Variants in REG1B observed in about 807,000 individuals in gnomAD.
The protein encoded by REG1B is regenerating family member 1 beta.
In REG1B, 21 loss-of-function variants were observed where a neutral mutation model predicts 20.4. The ratio of observed to expected loss-of-function variants is 1.03; its 90% CI spans 0.73 to 1.48. The LOEUF (loss-of-function observed/expected upper bound fraction) is 1.48, where lower values mean the gene tolerates loss of function less well. REG1B is among the 40% of genes most tolerant of loss of function. The pLI is 0.00. For synonymous variants in REG1B, 82 were observed against 73.4 expected (o/e 1.12, Z -0.60); for missense variants, 247 against 197.2 (o/e 1.25, Z -1.51).
Position 79,087,599 on chromosome 2 carries a change from T to G in REG1B, c.14A>C (p.Asn5Thr). ...GGAGGAGATCAGCATGAAGAACGAGTTGGTCTGAGCCATGCTTAGCGGCAG... is the reference window on the plus strand; with the variant it reads ...GGAGGAGATCAGCATGAAGAACGAGGTGGTCTGAGCCATGCTTAGCGGCAG... The part of the protein sequence containing the change: MAQT[N>T]SFFMLISSLM... Residue 5 changes from asparagine (N) to threonine (T), a missense_variant, in exon 2 of 6, where the codon AAC becomes ACC. By Grantham distance (65) the Asn-to-Thr change is moderately conservative. Coordinates refer to ENST00000305089, the MANE Select transcript of REG1B (RefSeq NM_006507.4). 6.2e-7 allele frequency: 1 copy of G among 1,613,728 alleles called. No individual in the cohort carries two copies. Among genetic ancestry groups the G allele is most frequent in the Middle Eastern group, 1.7e-4 (1 of 6,058 alleles).
In REG1B at chr2:79,086,884, T is replaced by C. The variant is rs747713468; in HGVS notation, c.111A>G (p.Pro37=). 1.9e-6 allele frequency: 3 copies of C among 1,613,974 alleles called. No individual in the cohort carries two copies. The highest frequency in any genetic ancestry group is 2.2e-5 in the South Asian group (2 of 91,072). Residue 37 remains proline (P), a synonymous_variant, in exon 3 of 6, where the codon CCA becomes CCG. Coordinates refer to ENST00000305089, the MANE Select transcript of REG1B (RefSeq NM_006507.4). ...TELPNPRISC[P]EGTNAYRSYC... is the part of the protein sequence containing the mutation. Reference sequence around the variant, plus strand: ...AGGAGCGATAGGCATTGGTGCCTTCTGGGCAGCTGATTCGGGGATTAGGCA... The same window carrying C: ...AGGAGCGATAGGCATTGGTGCCTTCCGGGCAGCTGATTCGGGGATTAGGCA...
intron 4 of REG1B, 169 bp downstream of exon 4, chr2:79,086,198 A>G: frequency 1.5e-6 from 1 of 681,554 alleles, no homozygotes; most frequent in Non-Finnish European, 2.4e-6. Context: ...TCATGTCTCT[A>G]ACTACCTACA....
At chr2:79,086,693 C>A in intron 3 of REG1B, 119 bp downstream of exon 3, 1 of 1,305,828 alleles carries the variant, frequency 7.7e-7, no homozygotes, top group East Asian at 2.3e-5. Flanking sequence ...AAGTTTGGGA[C>A]CAGTGGTGGA....
In REG1B at chr2:79,086,874, T is replaced by C. The variant is rs749826554; in HGVS notation, c.121A>G (p.Asn41Asp). Residue 41 changes from asparagine (N) to aspartate (D), a missense_variant, in exon 3 of 6, where the codon AAT becomes GAT. Physicochemically the swap from Asn to Asp is conservative, Grantham distance 23. Coordinates refer to ENST00000305089, the MANE Select transcript of REG1B (RefSeq NM_006507.4). ...TAGTAGCAGTAGGAGCGATAGGCATTGGTGCCTTCTGGGCAGCTGATTCGG... is the reference window on the plus strand; with the variant it reads ...TAGTAGCAGTAGGAGCGATAGGCATCGGTGCCTTCTGGGCAGCTGATTCGG... ...NPRISCPEGT[N>D]AYRSYCYYFN... 16 of 1,613,860 alleles carry C rather than the reference T, an allele frequency of 9.9e-6. No individual in the cohort carries two copies. The East Asian group carries it at 3.6e-4, about 36-fold the overall frequency.
intron 4 of REG1B, chr2:79,086,031 C>T: frequency 3.2e-6 from 1 of 315,328 alleles, no homozygotes; most frequent in South Asian, 3.9e-5. Flanking sequence ...GTAGATTCTC[C>T]TCCACTACTC....
Position 79,087,592 on chromosome 2 carries a change from G to T in REG1B, c.21C>A (p.Phe7Leu). The T allele has an allele frequency of 6.2e-7, 1 of 1,613,942 alleles. No homozygotes were observed. Among genetic ancestry groups the T allele is most frequent in the Non-Finnish European group, 8.5e-7 (1 of 1,179,924 alleles). The change falls in exon 2 of 6, where the codon TTC becomes TTA. Residue 7 changes from phenylalanine to leucine, a missense_variant. Phe to Leu is a conservative substitution (Grantham distance 22). Transcript: ENST00000305089. ...ACATCAGGGAGGAGATCAGCATGAA[G>T]AACGAGTTGGTCTGAGCCATGCTTA... MAQTNS[F>L]FMLISSLMFL...
chr2:79,087,465 CT>C (rs1672416673), intron 2 of REG1B, 83 bp downstream of exon 2: 5 of 1,410,748 alleles, frequency 3.5e-6, no homozygotes, highest in Admixed American at 4.0e-5. Context: ...GTTGACTCTG[CT>C]TTTTTTCAAG....
At chr2:79,085,970 T>C (rs1672393530) in intron 4 of REG1B, 2 of 267,132 alleles carry the variant, frequency 7.5e-6, no homozygotes, top group African/African-American at 2.2e-5. Flanking sequence ...AACTAAATAA[T>C]ATACTGTACA....
chr2:79,087,054 A>G (rs1428852705), intron 2 of REG1B, 124 bp from the exon 3 acceptor site: 1 of 769,690 alleles, frequency 1.3e-6, no homozygotes, highest in Admixed American at 2.1e-5. Context: ...TACTGGGGCG[A>G]TTGCTCACTT....
At chr2:79,085,833 C>G (rs755988466) in intron 4 of REG1B, 1 of 371,332 alleles carries the variant, frequency 2.7e-6, no homozygotes, top group South Asian at 3.7e-5. Context: ...GAATTTGATA[C>G]AGAGACCCAT....
At chr2:79,085,313 G>C in intron 5 of REG1B, 30 bp from the exon 6 acceptor site, 2 of 1,552,750 alleles carry the variant, frequency 1.3e-6, no homozygotes, top group Non-Finnish European at 1.8e-6. Context: ...GTCAGACATA[G>C]AGGATCAGAA....
rs773113096 is a variant in REG1B, at chr2:79,086,756, T to C, written c.183+56A>G. ...TGCAGCCACAGAACACACTGCAAAT[T>C]AGCAGCTGCCTCTACCTTCATAAGC... On this transcript the variant is annotated intron_variant, in intron 3 of 5. Coordinates refer to ENST00000305089, the MANE Select transcript of REG1B (RefSeq NM_006507.4). 2.1e-5 allele frequency: 32 copies of C among 1,518,842 alleles called. No homozygotes were observed. The African/African-American group carries it at 4.3e-4, about 20-fold the overall frequency. 94.1% of individuals were successfully genotyped at this position (1,518,842 alleles called of 1,614,324 possible). A position where few individuals can be genotyped will look rare whatever the true frequency, so the allele number is the denominator to read the frequency against.
chr2:79,087,575 G>C lies in REG1B; in HGVS notation c.38C>G (p.Ser13Cys). Residue 13 changes from serine (S) to cysteine (C), a missense_variant, in exon 2 of 6, where the codon TCC (serine) becomes TGC (cysteine). Coordinates refer to ENST00000305089, the MANE Select transcript of REG1B (RefSeq NM_006507.4). ...TTGGCTCAGAGACAGGAACATCAGG[G>C]AGGAGATCAGCATGAAGAACGAGTT... ...QTNSFFMLIS[S>C]LMFLSLSQGQ... 6.2e-7 allele frequency: 1 copy of C among 1,613,984 alleles called. No homozygotes were observed. Among genetic ancestry groups the C allele is most frequent in the East Asian group, 2.2e-5 (1 of 44,866 alleles).
rs1054688102 is a variant in REG1B, at chr2:79,086,945, A to G, written c.65-15T>C. The G allele has an allele frequency of 2.5e-6, 4 of 1,603,486 alleles. No homozygotes were observed. Among genetic ancestry groups the G allele is most frequent in the South Asian group, 1.1e-5 (1 of 90,850 alleles). On this transcript the variant is annotated splice_polypyrimidine_tract_variant and intron_variant, in intron 2 of 5. Transcript: ENST00000305089. ...GGACTCCTGGCCTGGGGAAAAAAAA[A>G]AGGAGATAATTAAGAAAGAATCGCA...
intron 2 of REG1B, 188 bp from the exon 3 acceptor site, chr2:79,087,118 G>C (rs1672412000): frequency 5.0e-6 from 3 of 598,806 alleles, no homozygotes; most frequent in African/African-American, 3.7e-5. Context: ...CTCAAGACAA[G>C]AGCTCACAAT....
Position 79,086,871 on chromosome 2 carries a change from C to T in REG1B, c.124G>A (p.Ala42Thr). The part of the protein sequence containing the change: ...PRISCPEGTN[A>T]YRSYCYYFNE... ...AAGTAGTAGCAGTAGGAGCGATAGG[C>T]ATTGGTGCCTTCTGGGCAGCTGATT... The change falls in exon 3 of 6, where the codon GCC (alanine) becomes ACC (threonine). Residue 42 changes from alanine to threonine, a missense_variant. Physicochemically the swap from Ala to Thr is moderately conservative, Grantham distance 58 (BLOSUM62 0). Transcript: ENST00000305089. 6.2e-7 allele frequency: 1 copy of T among 1,613,964 alleles called. No homozygotes were observed. The highest frequency in any genetic ancestry group is 8.5e-7 in the Non-Finnish European group (1 of 1,179,970).
chr2:79,086,002 T>G, intron 4 of REG1B: 2 of 294,264 alleles, frequency 6.8e-6, no homozygotes, highest in Non-Finnish European at 1.3e-5. Flanking sequence ...TTGTATAAAA[T>G]GTATAACAAA....
chr2:79,085,745 C>A, intron 4 of REG1B, 142 bp from the exon 5 acceptor site: 1 of 529,478 alleles, frequency 1.9e-6, no homozygotes. Context: ...ATATCATTTC[C>A]TCTGCTTTTG....
intron 4 of REG1B, 32 bp downstream of exon 4, chr2:79,086,335 T>G (rs1672398361): frequency 6.2e-7 from 1 of 1,612,922 alleles, no homozygotes; most frequent in Non-Finnish European, 8.5e-7. Context: ...TCAAAAATGT[T>G]TATAAGGAGA....
Sources: gnomAD v4.1 joint callset for allele counts on GRCh38, gnomAD v4.1.1 for gene constraint, MANE v1.5 for transcripts, NCBI Gene and HGNC (gene_info 2026-07-23, HGNC 2026-07-21) for gene names.